The following ZNF804B variants were observed in gnomAD, a reference collection of about 807,000 sequenced individuals.
ZNF804B encodes the protein zinc finger protein 804B, also known as zinc finger 804B.
A neutral mutation model predicts 101.4 loss-of-function variants in ZNF804B; 80 were observed. That is an observed-to-expected ratio of 0.79 (90% CI 0.66 to 0.95). The LOEUF (loss-of-function observed/expected upper bound fraction) is 0.95, where lower values mean the gene tolerates loss of function less well. Ranked by LOEUF, ZNF804B falls within the 40% of genes least tolerant of loss-of-function variation. ZNF804B has a pLI of 0.00. For missense variants in ZNF804B, 1,673 were observed against 1,561.9 expected, an observed-to-expected ratio of 1.07 and a Z score of -1.20; for synonymous variants, 622 against 558.8, an observed-to-expected ratio of 1.11 and a Z score of -1.59.
intron 1 of ZNF804B, among the ~76,000 whole-genome samples, chr7:89,188,169 T>C (rs10275638): frequency 7.2e-5 from 11 of 151,986 alleles, no homozygotes; most frequent in African/African-American, 2.4e-4. Context: ...TTCTTGTCTC[T>C]GTGTTACACT....
At chr7:89,049,955 T>A (rs1387790207) in intron 1 of ZNF804B, among the ~76,000 whole-genome samples, 1 of 152,060 alleles carries the variant, frequency 6.6e-6, no homozygotes, top group Non-Finnish European at 1.5e-5. Flanking sequence ...GAGGTTGCAG[T>A]GAGCTGAGAT....
intron 1 of ZNF804B, among the ~76,000 whole-genome samples, chr7:88,780,576 A>G (rs1350787066): frequency 2.0e-5 from 3 of 151,650 alleles, no homozygotes; most frequent in Middle Eastern, 3.4e-3. Context: ...TTGTAGAGAA[A>G]GGGTTCCACC....
At chr7:88,815,689 A>G (rs1033603229) in intron 1 of ZNF804B, among the ~76,000 whole-genome samples, 47 of 151,912 alleles carry the variant, frequency 3.1e-4, no homozygotes, top group Non-Finnish European at 4.9e-4. Flanking sequence ...CACCCACTGG[A>G]TAACACTTTC....
chr7:88,926,945 G>GGGT (rs1554346843), intron 1 of ZNF804B, among the ~76,000 whole-genome samples: 10 of 149,896 alleles, frequency 6.7e-5, no homozygotes, highest in Non-Finnish European at 1.2e-4. Context: ...GTGGGGAGCG[G>GGGT]GGGGAAAGCT....
At chr7:89,329,310 G>T (rs62469516) in intron 3 of ZNF804B, among the ~76,000 whole-genome samples, 2 of 151,516 alleles carry the variant, frequency 1.3e-5, no homozygotes, top group Non-Finnish European at 3.0e-5. Context: ...TTAGCCAATT[G>T]CTCTCTCTGC....
At chr7:88,782,727 T>C (rs2115663520) in intron 1 of ZNF804B, among the ~76,000 whole-genome samples, 3 of 152,284 alleles carry the variant, frequency 2.0e-5, no homozygotes, top group Admixed American at 2.0e-4. Context: ...AACAAGGTAG[T>C]GTGAGAAATA....
intron 1 of ZNF804B, among the ~76,000 whole-genome samples, chr7:89,014,362 A>G (rs1020763600): frequency 6.6e-6 from 1 of 152,018 alleles, no homozygotes; most frequent in African/African-American, 2.4e-5. Flanking sequence ...CCCAGGCTGG[A>G]GTGCAGTGGT....
intron 2 of ZNF804B, among the ~76,000 whole-genome samples, chr7:89,325,444 A>G (rs1356307417): frequency 6.1e-5 from 9 of 147,300 alleles, no homozygotes; most frequent in Admixed American, 3.4e-4. Context: ...CCTTGAAGGG[A>G]AAAAAAAATT....
intron 2 of ZNF804B, among the ~76,000 whole-genome samples, chr7:89,283,553 A>G (rs1376582695): frequency 6.6e-6 from 1 of 152,118 alleles, no homozygotes. Context: ...TATTTATTTC[A>G]TTTGATCCCT....
In ZNF804B at chr7:89,207,126, T is replaced by C. The variant is rs902892696; in HGVS notation, c.109-11029T>C. Among the ~76,000 whole-genome samples, 4 of 152,214 alleles carry C rather than the reference T, an allele frequency of 2.6e-5. No individual in the cohort carries two copies. The South Asian group carries it at 8.3e-4, about 32-fold the overall frequency. ...TCTGAGCCCTCCAAATTATTTGAAC[T>C]TCTGCCTGTTACCCAGTTCCAAAGT... On this transcript the variant is annotated intron_variant, in intron 1 of 3. Transcript: ENST00000333190.
At chr7:88,827,948 T>C (rs1440140885) in intron 1 of ZNF804B, among the ~76,000 whole-genome samples, 1 of 152,294 alleles carries the variant, frequency 6.6e-6, no homozygotes, top group East Asian at 1.9e-4. Flanking sequence ...CTCTGCTGCA[T>C]GATTGTAATT....
chr7:89,261,500 G>A (rs2115814092), intron 2 of ZNF804B, among the ~76,000 whole-genome samples: 1 of 152,168 alleles, frequency 6.6e-6, no homozygotes, highest in Non-Finnish European at 1.5e-5. Context: ...AATCTGTGTT[G>A]TTCAAGGGTC....
chr7:89,093,954 C>G (rs1240394848), intron 1 of ZNF804B, among the ~76,000 whole-genome samples: 1 of 152,132 alleles, frequency 6.6e-6, no homozygotes, highest in African/African-American at 2.4e-5. Context: ...GGCAGCTTAC[C>G]CTGAGTTCAC....
chr7:88,800,643 TG>T (rs1790563372), intron 1 of ZNF804B, among the ~76,000 whole-genome samples: 1 of 151,984 alleles, frequency 6.6e-6, no homozygotes, highest in Non-Finnish European at 1.5e-5. Flanking sequence ...CATTTAAATT[TG>T]GCTGGAAGAA....
chr7:89,317,139 A>G (rs1158417371), intron 2 of ZNF804B, among the ~76,000 whole-genome samples: 1 of 152,244 alleles, frequency 6.6e-6, no homozygotes, highest in African/African-American at 2.4e-5. Flanking sequence ...CTTATGATTT[A>G]GATTCTGCCT....
intron 2 of ZNF804B, among the ~76,000 whole-genome samples, chr7:89,272,170 A>G (rs1400370046): frequency 1.3e-5 from 2 of 151,960 alleles, no homozygotes; most frequent in African/African-American, 4.8e-5. Context: ...ATCTGCGCTC[A>G]TATTGTTCTT....
chr7:88,905,297 C>G (rs1055425670), intron 1 of ZNF804B, among the ~76,000 whole-genome samples: 1 of 152,050 alleles, frequency 6.6e-6, no homozygotes, highest in Non-Finnish European at 1.5e-5. Context: ...AGAGGTAAAG[C>G]CTACTTGATT....
intron 1 of ZNF804B, among the ~76,000 whole-genome samples, chr7:88,873,328 C>T (rs1791869211): frequency 1.3e-5 from 2 of 152,110 alleles, no homozygotes; most frequent in South Asian, 2.1e-4. Context: ...TTTGATTTTT[C>T]TTGTAAATTT....
At chr7:89,150,083 A>G (rs1790850158) in intron 1 of ZNF804B, among the ~76,000 whole-genome samples, 1 of 151,972 alleles carries the variant, frequency 6.6e-6, no homozygotes, top group South Asian at 2.1e-4. Flanking sequence ...ATTCCACGCC[A>G]TTTTCAGGAG....
Sources: gnomAD v4.1 joint callset for allele counts (sites outside exome capture counted in the v4.1 genomes callset) on GRCh38, gnomAD v4.1.1 for gene constraint, MANE v1.5 for transcripts, NCBI Gene and HGNC (gene_info 2026-07-23, HGNC 2026-07-21) for gene names.